The following MYO18B variants were observed in gnomAD, a reference collection of about 807,000 sequenced individuals.
MYO18B encodes the protein myosin XVIIIB, also known as unconventional myosin-XVIIIb.
A neutral mutation model predicts 273.0 loss-of-function variants in MYO18B; 204 were observed. That is an observed-to-expected ratio of 0.75 (90% CI 0.67 to 0.84). The LOEUF is 0.84. Among genes scored for constraint, MYO18B ranks in the 40% least tolerant of loss-of-function variants. The probability of loss-of-function intolerance (pLI) is 0.00; values close to 1 mark genes in which losing one functional copy is unlikely to be tolerated. For synonymous variants in MYO18B, 1,330 were observed against 1,305.7 expected (o/e 1.02, Z -0.40); for missense variants, 3,212 against 3,287.6 (o/e 0.98, Z 0.56).
At chr22:26,015,078 A>G (rs1425330803) in intron 42 of MYO18B, among the ~76,000 whole-genome samples, 1 of 152,000 alleles carries the variant, frequency 6.6e-6, no homozygotes, top group Non-Finnish European at 1.5e-5. Context: ...CCATTTGTCA[A>G]TTTTTGCTTT....
intron 34 of MYO18B, among the ~76,000 whole-genome samples, chr22:25,923,159 A>G (rs150431100): frequency 6.6e-6 from 1 of 152,332 alleles, no homozygotes; most frequent in East Asian, 1.9e-4. Context: ...TTTATGTGCT[A>G]TTGGAAAGAA....
chr22:25,969,103 A>G (rs2093008824), intron 39 of MYO18B, among the ~76,000 whole-genome samples: 1 of 152,176 alleles, frequency 6.6e-6, no homozygotes, highest in Non-Finnish European at 1.5e-5. Context: ...TGTGGGCAAC[A>G]ACATTCCCAT....
chr22:26,005,660 G>C (rs539803065), intron 42 of MYO18B, among the ~76,000 whole-genome samples: 1 of 152,282 alleles, frequency 6.6e-6, no homozygotes, highest in Admixed American at 6.5e-5. Context: ...GCATAATTAA[G>C]ATGAGATGCT....
At chr22:25,804,005 C>CACACAT (rs1225484218) in intron 12 of MYO18B, among the ~76,000 whole-genome samples, 1 of 148,896 alleles carries the variant, frequency 6.7e-6, no homozygotes, top group Non-Finnish European at 1.5e-5. Flanking sequence ...CACACACACA[C>CACACAT]ACACATATTT....
At chr22:25,822,588 CA>C (rs200748239) in intron 12 of MYO18B, among the ~76,000 whole-genome samples, 2,588 of 152,270 alleles carry the variant, frequency 0.017, 45 homozygotes, top group East Asian at 0.067. Flanking sequence ...ACACAGTAAG[CA>C]GATGGCTAGT....
Position 25,940,936 on chromosome 22 carries a change from C to T in MYO18B, c.5518-5201C>T, listed in dbSNP as rs117034533. On this transcript the variant is annotated intron_variant, in intron 34 of 43. Transcript: ENST00000335473. ...GGGAATAGTAGGCAATGAAGCCCTC[C>T]GTAGATGCCTGCCTTGCAGAATTCG... Among the ~76,000 whole-genome samples the T allele has an allele frequency of 2.3e-3, 355 of 152,284 alleles. 1 individual carries two copies. The highest frequency in any genetic ancestry group is 0.017 in the East Asian group (86 of 5,170).
intron 8 of MYO18B, among the ~76,000 whole-genome samples, 191 bp downstream of exon 8, chr22:25,777,972 G>A (rs185429033): frequency 6.6e-6 from 1 of 152,296 alleles, no homozygotes; most frequent in East Asian, 1.9e-4. Context: ...TTAGAATAAG[G>A]TACTCCTTCC....
intron 34 of MYO18B, among the ~76,000 whole-genome samples, chr22:25,929,212 A>G (rs891050844): frequency 3.3e-5 from 5 of 151,250 alleles, no homozygotes; most frequent in South Asian, 2.1e-4. Flanking sequence ...AACATCCCCA[A>G]TTGGCTCTCT....
At chr22:25,776,065 C>T (rs1002523354) in intron 7 of MYO18B, among the ~76,000 whole-genome samples, 1 of 152,160 alleles carries the variant, frequency 6.6e-6, no homozygotes, top group Non-Finnish European at 1.5e-5. Flanking sequence ...CAAGTTCTAC[C>T]CCTGGTAGCC....
intron 35 of MYO18B, among the ~76,000 whole-genome samples, 199 bp from the exon 36 acceptor site, chr22:25,947,487 TACACACACACACACACACACACACAC>T (rs57844236): frequency 1.5e-4 from 17 of 110,674 alleles, no homozygotes; most frequent in South Asian, 3.6e-4. Flanking sequence ...TAATGCCTAA[TACACACACACACACACACACACACAC>T]ACACACACAC....
chr22:25,809,667 A>G (rs5761241), intron 12 of MYO18B, among the ~76,000 whole-genome samples: 10,000 of 152,146 alleles, frequency 0.066, 574 homozygotes, highest in East Asian at 0.21. Context: ...GCTGTAACTC[A>G]GGGAGCCAGG....
At chr22:25,930,186 C>T (rs2092478363) in intron 34 of MYO18B, among the ~76,000 whole-genome samples, 1 of 152,130 alleles carries the variant, frequency 6.6e-6, no homozygotes, top group Non-Finnish European at 1.5e-5. Flanking sequence ...TCTTGGAGCC[C>T]TCTTGGTCCT....
rs2146015356 is a variant in MYO18B, at chr22:25,846,296, C to A, written c.3552+13C>A. On this transcript the variant is annotated intron_variant, in intron 19 of 43. Coordinates refer to ENST00000335473, the MANE Select transcript of MYO18B (RefSeq NM_032608.7). ...CAAGCTGCAGATGGTGAGTGGGCACCCTGTCTCATGGTGTCCTGGCCTTCA... is the reference window on the plus strand; with the variant it reads ...CAAGCTGCAGATGGTGAGTGGGCACACTGTCTCATGGTGTCCTGGCCTTCA... The A allele has an allele frequency of 6.2e-7, 1 of 1,609,770 alleles. No homozygotes were observed. The highest frequency in any genetic ancestry group is 8.5e-7 in the Non-Finnish European group (1 of 1,179,590).
intron 16 of MYO18B, among the ~76,000 whole-genome samples, chr22:25,835,034 C>T (rs1003240428): frequency 6.6e-6 from 1 of 152,172 alleles, no homozygotes; most frequent in African/African-American, 2.4e-5. Context: ...GGAAACAAGG[C>T]TCAGAGAAGT....
rs2091944453 is a variant in MYO18B at position 25,901,837 on chromosome 22, A to C, written c.4824-776A>C. Among the ~76,000 whole-genome samples the C allele has an allele frequency of 7.6e-5, 10 of 131,690 alleles. No individual in the cohort carries two copies. The South Asian group carries it at 2.5e-3, about 33-fold the overall frequency. The allele number at this position is 131,690 out of a possible 152,430, so 86.4% of individuals were successfully genotyped here. A position where few individuals can be genotyped will look rare whatever the true frequency, so the allele number is the denominator to read the frequency against. ...TTTTTTTTTTTTTTTTTTTGAGACAAGGTCTTGCTCTGTCACCCAGACTGG... is the reference window on the plus strand; with the variant it reads ...TTTTTTTTTTTTTTTTTTTGAGACACGGTCTTGCTCTGTCACCCAGACTGG... On this transcript the variant is annotated intron_variant, in intron 29 of 43. Coordinates refer to ENST00000335473, the MANE Select transcript of MYO18B (RefSeq NM_032608.7).
At chr22:26,060,666 C>A in the MYO18B span, among the ~76,000 whole-genome samples, 2 of 151,978 alleles carry the variant, frequency 1.3e-5, no homozygotes, top group Non-Finnish European at 1.5e-5. Flanking sequence ...TTTATACATA[C>A]GCACACATGC....
At chr22:26,002,492 C>T (rs1012802690) in intron 40 of MYO18B, among the ~76,000 whole-genome samples, 3 of 152,124 alleles carry the variant, frequency 2.0e-5, no homozygotes, top group African/African-American at 7.2e-5. Flanking sequence ...AGGTGCAGCT[C>T]TTAGAGGAAA....
At chr22:25,778,404 A>G (rs1253986829) in intron 8 of MYO18B, among the ~76,000 whole-genome samples, 1 of 152,164 alleles carries the variant, frequency 6.6e-6, no homozygotes, top group Non-Finnish European at 1.5e-5. Flanking sequence ...AATAACAACT[A>G]CAATATTAAT....
chr22:25,827,795 C>T (rs566840342), intron 14 of MYO18B, among the ~76,000 whole-genome samples: 7 of 152,174 alleles, frequency 4.6e-5, no homozygotes, highest in Non-Finnish European at 8.8e-5. Flanking sequence ...CTGCCTTCAC[C>T]AGTGAAGGGC....
Sources: allele counts gnomAD v4.1 joint callset (sites outside exome capture counted in the v4.1 genomes callset), GRCh38; gene constraint gnomAD v4.1.1; transcripts MANE v1.5; gene names NCBI Gene and HGNC (gene_info 2026-07-23, HGNC 2026-07-21).